Variants in GGTA1 observed in about 807,000 individuals in gnomAD.
GGTA1 encodes the protein glycoprotein alpha-galactosyltransferase 1 (inactive).
In GGTA1, 5 loss-of-function variants were observed where a neutral mutation model predicts 2.6. The observed-to-expected ratio is 1.92, with a 90% CI of 1.00 to 4.04. The LOEUF (loss-of-function observed/expected upper bound fraction) is 4.04, where lower values mean the gene tolerates loss of function less well. Ranked by LOEUF, GGTA1 falls within the 30% of genes most tolerant of loss-of-function variation. The probability of loss-of-function intolerance (pLI) is 0.00; values close to 1 mark genes in which losing one functional copy is unlikely to be tolerated. For missense variants in GGTA1, 50 were observed against 16.7 expected, an observed-to-expected ratio of 2.99 and a Z score of -3.47; for synonymous variants, 17 against 5.0, an observed-to-expected ratio of 3.38 and a Z score of -3.19.
At chr9:121,460,970 G>A (rs540277631) in intron 4 of GGTA1, among the ~76,000 whole-genome samples, 4 of 152,308 alleles carry the variant, frequency 2.6e-5, no homozygotes, top group Middle Eastern at 6.8e-3. Context: ...CTAGCTACTC[G>A]TGAGGCTGAG....
At chr9:121,459,772 T>A (rs933999082) in intron 5 of GGTA1, among the ~76,000 whole-genome samples, 2 of 152,306 alleles carry the variant, frequency 1.3e-5, no homozygotes, top group Admixed American at 6.5e-5. Context: ...TCCTGCCTCC[T>A]ACCAATCTAG....
intron 1 of GGTA1, among the ~76,000 whole-genome samples, chr9:121,492,542 T>C (rs28581813): frequency 0.28 from 42,723 of 152,044 alleles, 6,411 homozygotes; most frequent in Middle Eastern, 0.37. Flanking sequence ...GGCACGATCT[T>C]GGCTTACTAC....
At chr9:121,484,885 T>A (rs1193166652) in intron 1 of GGTA1, among the ~76,000 whole-genome samples, 1 of 152,082 alleles carries the variant, frequency 6.6e-6, no homozygotes, top group Non-Finnish European at 1.5e-5. Flanking sequence ...AAATAAACCC[T>A]CTAATGAGCC....
At position 121,473,975 on chromosome 9, in the gene GGTA1, G is replaced by C. The variant is rs528687290; in HGVS notation, c.-9-6044C>G. ...AGAGAGAGAGGGAGGGAGGGAGGGA[G>C]AGAGAGAGAGAGAGAAAAGAAAGAA... is the stretch of plus-strand genomic sequence containing the variant. On this transcript the variant is annotated intron_variant, in intron 1 of 5. Coordinates refer to ENST00000481799, the MANE Select transcript of GGTA1 (RefSeq NM_001382585.1). 5.5e-3 allele frequency among the ~76,000 whole-genome samples: 805 copies of C among 146,918 alleles called. 5 individuals are homozygous for C. The highest frequency in any genetic ancestry group is 0.01 in the Non-Finnish European group (675 of 66,296).
chr9:121,457,034 A>G (rs1387047497), intron 5 of GGTA1, among the ~76,000 whole-genome samples: 1 of 152,330 alleles, frequency 6.6e-6, no homozygotes, highest in African/African-American at 2.4e-5. Context: ...GGACACAGAG[A>G]AAAGCTGATG....
chr9:121,493,286 A>G (rs1828911662), intron 1 of GGTA1, among the ~76,000 whole-genome samples: 1 of 152,098 alleles, frequency 6.6e-6, no homozygotes, highest in Non-Finnish European at 1.5e-5. Flanking sequence ...AGGTCACTGC[A>G]GCTGCTACCT....
rs77993819 is a variant in GGTA1, at chr9:121,449,333, G to A, written c.*119-1736C>T. The stretch of plus-strand genomic sequence containing the variant: ...TACCAAGGAGTACGATTGCTGGATC[G>A]TGTGGTAAGAATATATTTAGTTTTG... On this transcript the variant is annotated intron_variant and NMD_transcript_variant, in intron 7 of 7. Transcript: ENST00000481534. Among the ~76,000 whole-genome samples, 1,228 of 152,264 alleles carry A rather than the reference G, an allele frequency of 8.1e-3. 16 individuals carry two copies. The highest frequency in any genetic ancestry group is 0.028 in the African/African-American group (1,164 of 41,562).
intron 1 of GGTA1, among the ~76,000 whole-genome samples, chr9:121,497,087 G>A (rs1431244264): frequency 6.6e-6 from 1 of 152,038 alleles, no homozygotes; most frequent in Non-Finnish European, 1.5e-5. Flanking sequence ...TAGCTACTTG[G>A]GAGGCTGAGG....
At chr9:121,448,257 C>T (rs1269870591) in intron 7 of GGTA1, among the ~76,000 whole-genome samples, 1 of 152,200 alleles carries the variant, frequency 6.6e-6, no homozygotes, top group Non-Finnish European at 1.5e-5. Flanking sequence ...AAAGCCCTAA[C>T]ATAAACCCCA....
chr9:121,485,581 G>A (rs1828740706), intron 1 of GGTA1, among the ~76,000 whole-genome samples: 1 of 152,192 alleles, frequency 6.6e-6, no homozygotes, highest in Admixed American at 6.5e-5. Flanking sequence ...GGAAAGCAGT[G>A]GGGTGAAGAC....
At position 121,455,085 on chromosome 9, in the gene GGTA1, A is replaced by G. The variant is rs188408237; in HGVS notation, c.*752T>C. The G allele has an allele frequency of 9.8e-5, 15 of 152,380 alleles. No individual in the cohort carries two copies. Among genetic ancestry groups the G allele is most frequent in the African/African-American group, 3.6e-4 (15 of 41,596 alleles). The allele number at this position is 152,380 out of a possible 1,614,324, so 9.4% of individuals were successfully genotyped here. On this transcript the variant is annotated 3_prime_UTR_variant, in exon 6 of 6. Coordinates refer to ENST00000481799, the MANE Select transcript of GGTA1 (RefSeq NM_001382585.1). ...TTTATTTGCATTGGCATTTTTGTCA[A>G]TTCAGACTGAGAAATGATGAGCCTT...
intron 1 of GGTA1, among the ~76,000 whole-genome samples, chr9:121,492,630 C>T (rs940409001): frequency 1.3e-5 from 2 of 152,036 alleles, no homozygotes; most frequent in Non-Finnish European, 2.9e-5. Flanking sequence ...TGGGCCACTA[C>T]GCCTGGCTAA....
intron 7 of GGTA1, among the ~76,000 whole-genome samples, chr9:121,449,007 G>A (rs114780602): frequency 0.021 from 3,212 of 152,286 alleles, 114 homozygotes; most frequent in African/African-American, 0.073. Flanking sequence ...AACAATCACT[G>A]ACCTTTTTAC....
downstream of GGTA1, among the ~76,000 whole-genome samples, chr9:121,451,700 G>A (rs1196853145): frequency 6.6e-6 from 1 of 152,180 alleles, no homozygotes; most frequent in African/African-American, 2.4e-5. Context: ...AAGCCACTGT[G>A]CTTAGGTCAC....
chr9:121,475,054 G>A (rs1416294334), intron 1 of GGTA1, among the ~76,000 whole-genome samples: 1 of 152,170 alleles, frequency 6.6e-6, no homozygotes, highest in Non-Finnish European at 1.5e-5. Flanking sequence ...GAGACCCACT[G>A]GGCTGCATTC....
intron 2 of GGTA1, among the ~76,000 whole-genome samples, chr9:121,466,054 T>A (rs901006693): frequency 2.0e-5 from 3 of 152,158 alleles, no homozygotes; most frequent in African/African-American, 7.2e-5. Flanking sequence ...TAGCTGAGAC[T>A]ACAGGTGCGC....
chr9:121,479,500 G>A (rs966275643), intron 1 of GGTA1, among the ~76,000 whole-genome samples: 2 of 152,078 alleles, frequency 1.3e-5, no homozygotes, highest in African/African-American at 2.4e-5. Context: ...ATCCATGAGC[G>A]GCCCAGCCTC....
chr9:121,449,720 G>A (rs2064868860), intron 7 of GGTA1, among the ~76,000 whole-genome samples: 1 of 151,522 alleles, frequency 6.6e-6, no homozygotes, highest in African/African-American at 2.4e-5. Flanking sequence ...TACACTTGTA[G>A]TCCCAGCTGC....
downstream of GGTA1, among the ~76,000 whole-genome samples, chr9:121,452,889 A>ACTTTATTTTT (rs2064885617): frequency 6.6e-6 from 1 of 151,938 alleles, no homozygotes; most frequent in African/African-American, 2.4e-5. Flanking sequence ...TACCTCTTCT[A>ACTTTATTTTT]CTTTATTTTT....
Sources: allele counts gnomAD v4.1 joint callset (sites outside exome capture counted in the v4.1 genomes callset), GRCh38; gene constraint gnomAD v4.1.1; transcripts MANE v1.5; gene names NCBI Gene and HGNC (gene_info 2026-07-23, HGNC 2026-07-21).